Variants in GNA11 observed in about 807,000 individuals in gnomAD.
The protein encoded by GNA11 is G protein subunit alpha 11, also known as guanine nucleotide-binding protein subunit alpha-11.
In GNA11, 8 loss-of-function variants were observed where a neutral mutation model predicts 38.2. The observed-to-expected ratio is 0.21, with a 90% CI of 0.12 to 0.38. The LOEUF is 0.38. Ranked by LOEUF, GNA11 falls within the 10% of genes least tolerant of loss-of-function variation. The pLI is 1.00. For missense variants in GNA11, 268 were observed against 516.3 expected, an observed-to-expected ratio of 0.52 and a Z score of 4.66; for synonymous variants, 211 against 221.4, an observed-to-expected ratio of 0.95 and a Z score of 0.42.
intron 1 of GNA11, among the ~76,000 whole-genome samples, chr19:3,107,888 T>TG (rs751320620): frequency 3.3e-5 from 5 of 152,158 alleles, no homozygotes; most frequent in East Asian, 3.9e-4. Flanking sequence ...GAAGGGCGTG[T>TG]GGGGGTCCCT....
Position 3,121,340 on chromosome 19 carries a change from C to A in GNA11, c.*161C>A, listed in dbSNP as rs1178420790. 5 of 586,584 alleles carry A rather than the reference C, an allele frequency of 8.5e-6. No individual in the cohort carries two copies. The highest frequency in any genetic ancestry group is 2.8e-5 in the East Asian group (1 of 35,144). 36.3% of individuals were successfully genotyped at this position (586,584 alleles called of 1,614,324 possible). A position where few individuals can be genotyped will look rare whatever the true frequency, so the allele number is the denominator to read the frequency against. On this transcript the variant is annotated 3_prime_UTR_variant, in exon 7 of 7. Transcript: ENST00000078429. Reference sequence around the variant, plus strand: ...TATTTTTAACAAATGGTTTTTATTTCACAGTTATCAGGGGATGTACATCTC... The same window carrying A: ...TATTTTTAACAAATGGTTTTTATTTAACAGTTATCAGGGGATGTACATCTC...
At chr19:3,101,037 T>C (rs974108334) in intron 1 of GNA11, among the ~76,000 whole-genome samples, 4 of 152,142 alleles carry the variant, frequency 2.6e-5, no homozygotes, top group African/African-American at 9.7e-5. Flanking sequence ...CAGGTTTCTG[T>C]CCCTGTCTGA....
chr19:3,113,500 C>A lies in GNA11; in HGVS notation c.476+16C>A, dbSNP rs760977321. 2 of 1,546,156 alleles carry A rather than the reference C, an allele frequency of 1.3e-6. No individual in the cohort carries two copies. The highest frequency in any genetic ancestry group is 8.7e-7 in the Non-Finnish European group (1 of 1,143,506). The stretch of plus-strand genomic sequence containing the variant: ...CTGCCAAGTAGTAAGTGCGGCCGCA[C>A]CGCTGGCGGCCTGGGGACGGCAGCT... On this transcript the variant is annotated intron_variant, in intron 3 of 6. Transcript: ENST00000078429.
chr19:3,099,150 G>T (rs555882635), intron 1 of GNA11, among the ~76,000 whole-genome samples: 42 of 152,338 alleles, frequency 2.8e-4, no homozygotes, highest in African/African-American at 9.4e-4. Flanking sequence ...CGGGGAGGAC[G>T]CCGTGGCATC....
intron 1 of GNA11, among the ~76,000 whole-genome samples, chr19:3,105,311 C>T (rs955503480): frequency 6.6e-6 from 1 of 150,564 alleles, no homozygotes; most frequent in Non-Finnish European, 1.5e-5. Context: ...GACAATACTG[C>T]AGGCACAGTG....
At chr19:3,112,294 G>A (rs918093751) in intron 2 of GNA11, among the ~76,000 whole-genome samples, 10 of 152,234 alleles carry the variant, frequency 6.6e-5, no homozygotes, top group African/African-American at 2.4e-4. Context: ...AGGGCAAGGG[G>A]AGGGCTGAAG....
chr19:3,097,692 AGCTGGACGGGGCTCC>A (rs2145303665), intron 1 of GNA11, among the ~76,000 whole-genome samples: 1 of 152,314 alleles, frequency 6.6e-6, no homozygotes, highest in East Asian at 1.9e-4. Flanking sequence ...GGAGCCCTAG[AGCTGGACGGGGCTCC>A]GGCTGCCGTG....
chr19:3,094,881 C>A lies in GNA11; in HGVS notation c.136+94C>A. 1.0e-6 allele frequency: 1 copy of A among 954,576 alleles called. No individual in the cohort carries two copies. Among genetic ancestry groups the A allele is most frequent in the Non-Finnish European group, 1.4e-6 (1 of 697,426 alleles). 59.1% of individuals were successfully genotyped at this position (954,576 alleles called of 1,614,324 possible). A position where few individuals can be genotyped will look rare whatever the true frequency, so the allele number is the denominator to read the frequency against. On this transcript the variant is annotated intron_variant, in intron 1 of 6. Coordinates refer to ENST00000078429, the MANE Select transcript of GNA11 (RefSeq NM_002067.5). The surrounding 1 kb of genome is among the most constrained non-coding windows in gnomAD (Gnocchi z 6.0). Reference sequence around the variant, plus strand: ...TCGGGCCGGGACCCTCCGGGGTCAGCCCTGCCTGTGCCGTCCGGGTCGCGA... The same window carrying A: ...TCGGGCCGGGACCCTCCGGGGTCAGACCTGCCTGTGCCGTCCGGGTCGCGA...
rs1458752657 is a variant in GNA11, at chr19:3,114,521, C to T, written c.477-423C>T. Among the ~76,000 whole-genome samples the T allele has an allele frequency of 2.0e-5, 3 of 152,258 alleles. No homozygotes were observed. In the East Asian group the frequency reaches 5.8e-4, roughly 30 times the overall value. On this transcript the variant is annotated intron_variant, in intron 3 of 6. Transcript: ENST00000078429. Reference sequence around the variant, plus strand: ...TCTGCTGGGACCTCTGCAGCCTCTGCAGCTGCGACTCTCCTAATGATGCGC... The same window carrying T: ...TCTGCTGGGACCTCTGCAGCCTCTGTAGCTGCGACTCTCCTAATGATGCGC...
chr19:3,098,170 C>T (rs1489032284), intron 1 of GNA11, among the ~76,000 whole-genome samples: 1 of 152,234 alleles, frequency 6.6e-6, no homozygotes, highest in Non-Finnish European at 1.5e-5. Flanking sequence ...TTGTTTTATA[C>T]CCGTGGTATT....
At chr19:3,104,923 G>A (rs981452973) in intron 1 of GNA11, among the ~76,000 whole-genome samples, 6 of 152,154 alleles carry the variant, frequency 3.9e-5, no homozygotes, top group African/African-American at 1.2e-4. Flanking sequence ...GATGGAAGGG[G>A]TAGTTTATAT....
chr19:3,098,013 T>C (rs977386087), intron 1 of GNA11, among the ~76,000 whole-genome samples: 4 of 152,258 alleles, frequency 2.6e-5, no homozygotes, highest in Non-Finnish European at 5.9e-5. Flanking sequence ...CAACGTAAAA[T>C]GCTCGTGGCA....
chr19:3,105,562 GC>G lies in GNA11; in HGVS notation c.137-4581del, dbSNP rs551985604. The stretch of plus-strand genomic sequence containing the variant: ...GAACCATCAGTGCCCTCATGAAAGA[GC>G]CCCCCAAGAGCTCCGTGGCGGAAGA... On this transcript the variant is annotated intron_variant, in intron 1 of 6. Coordinates refer to ENST00000078429, the MANE Select transcript of GNA11 (RefSeq NM_002067.5). Among the ~76,000 whole-genome samples the G allele has an allele frequency of 4.6e-5, 7 of 152,234 alleles. No homozygotes were observed. In the East Asian group the frequency reaches 1.4e-3, roughly 29 times the overall value.
intron 1 of GNA11, among the ~76,000 whole-genome samples, chr19:3,095,230 G>T (rs1282461644): frequency 1.3e-5 from 2 of 152,224 alleles, no homozygotes; most frequent in East Asian, 3.9e-4. Flanking sequence ...TCAGGCCCCC[G>T]ATCACTCCTA....
chr19:3,101,514 C>T (rs1913506690), intron 1 of GNA11, among the ~76,000 whole-genome samples: 1 of 152,018 alleles, frequency 6.6e-6, no homozygotes, highest in Admixed American at 6.6e-5. Flanking sequence ...CGAGGGTTGA[C>T]CGGTCAGGCC....
chr19:3,100,041 T>C (rs1913464709), intron 1 of GNA11, among the ~76,000 whole-genome samples: 1 of 152,168 alleles, frequency 6.6e-6, no homozygotes, highest in Admixed American at 6.5e-5. Context: ...GGTGTGGTGA[T>C]ATCTTGTCGC....
rs1460883017 is a variant in GNA11 at position 3,122,836 on chromosome 19, T to G, written c.*1657T>G. 1 of 233,432 alleles carries G rather than the reference T, an allele frequency of 4.3e-6. No individual in the cohort carries two copies. Among genetic ancestry groups the G allele is most frequent in the East Asian group, 6.0e-5 (1 of 16,590 alleles). 14.5% of individuals were successfully genotyped at this position (233,432 alleles called of 1,614,324 possible). On this transcript the variant is annotated 3_prime_UTR_variant, in exon 7 of 7. Transcript: ENST00000078429. This position sits in a 1 kb window ranked among gnomAD's most constrained non-coding sequence, Gnocchi z 7.7. ...CTCGTCCGCAGGGCTGTCTGCTGGC[T>G]TCTGGGGGCAGAAGAGCGGGGAGCC...
intron 2 of GNA11, among the ~76,000 whole-genome samples, chr19:3,111,458 G>A (rs1913772853): frequency 6.6e-6 from 1 of 152,170 alleles, no homozygotes; most frequent in African/African-American, 2.4e-5. Context: ...TGAGTGTGAC[G>A]TCCTCAAGGT....
In GNA11 at chr19:3,122,382, T is replaced by C. The variant is rs56232571; in HGVS notation, c.*1203T>C. 23,145 of 231,192 alleles carry C rather than the reference T, an allele frequency of 0.1. 2,394 individuals are homozygous for C. Among genetic ancestry groups the C allele is most frequent in the African/African-American group, 0.27 (12,119 of 45,124 alleles). 14.3% of individuals were successfully genotyped at this position (231,192 alleles called of 1,614,324 possible). The stretch of plus-strand genomic sequence containing the variant: ...TTGGCCAGGGGCGCGTGGAAGGTGG[T>C]GGCAGGCACCGGCCTGGGCAGCTTC... On this transcript the variant is annotated 3_prime_UTR_variant, in exon 7 of 7. Transcript: ENST00000078429. This position sits in a 1 kb window ranked among gnomAD's most constrained non-coding sequence, Gnocchi z 7.7.
Sources: allele counts gnomAD v4.1 joint callset (sites outside exome capture counted in the v4.1 genomes callset), GRCh38; gene constraint gnomAD v4.1.1; non-coding constraint Gnocchi (gnomAD v3.1); transcripts MANE v1.5; gene names NCBI Gene and HGNC (gene_info 2026-07-23, HGNC 2026-07-21).